EVI5: variants seen among roughly 807,000 people sequenced by gnomAD.
EVI5 encodes the protein ecotropic viral integration site 5.
EVI5 carries 73 observed loss-of-function variants against 112.0 expected under a neutral mutation model. That is an observed-to-expected ratio of 0.65 (90% CI 0.54 to 0.79). EVI5 has a LOEUF of 0.79. EVI5 is among the 30% of genes least tolerant of loss of function. The pLI is 0.00. For missense variants in EVI5, 900 were observed against 968.8 expected (o/e 0.93, Z 0.94); for synonymous variants, 305 against 319.9 (o/e 0.95, Z 0.50).
upstream of EVI5, among the ~76,000 whole-genome samples, chr1:92,785,766 CAGATTACTTTCATTATATG>C (rs1381305193): frequency 6.6e-6 from 1 of 152,164 alleles, no homozygotes; most frequent in African/African-American, 2.4e-5. Context: ...AAAGGCAATA[CAGATTACTTTCATTATATG>C]TTTAGAAGTG....
At position 92,677,150 on chromosome 1, in the gene EVI5, C is replaced by G. The variant is rs770143502; in HGVS notation, c.1158+8G>C. 2 of 1,564,642 alleles carry G rather than the reference C, an allele frequency of 1.3e-6. No homozygotes were observed. Among genetic ancestry groups the G allele is most frequent in the East Asian group, 2.3e-5 (1 of 44,218 alleles). On this transcript the variant is annotated splice_region_variant and intron_variant, in intron 10 of 19. Transcript: ENST00000684568. Reference sequence around the variant, plus strand: ...AATCAGTACTTTAAAAAGCCCCCAACTGCTTACTTTAATTTCAACTTGCTC... The same window carrying G: ...AATCAGTACTTTAAAAAGCCCCCAAGTGCTTACTTTAATTTCAACTTGCTC...
intron 1 of EVI5, among the ~76,000 whole-genome samples, chr1:92,764,073 A>T (rs1250898186): frequency 6.6e-6 from 1 of 152,226 alleles, no homozygotes; most frequent in Admixed American, 6.5e-5. Context: ...TAATTTTTTT[A>T]TATTTAATGC....
intron 1 of EVI5, among the ~76,000 whole-genome samples, chr1:92,783,505 AAAG>A (rs1412188970): frequency 2.1e-4 from 31 of 149,960 alleles, no homozygotes; most frequent in East Asian, 5.8e-4. Flanking sequence ...AAAAAAAAAA[AAAG>A]AAAAGAAAAG....
At chr1:92,586,339 G>A (rs922826473) in intron 18 of EVI5, among the ~76,000 whole-genome samples, 3 of 151,988 alleles carry the variant, frequency 2.0e-5, no homozygotes, top group African/African-American at 7.3e-5. Flanking sequence ...AAATTATTTA[G>A]AATTCTTCTG....
At chr1:92,555,186 A>T (rs746574642) in intron 19 of EVI5, among the ~76,000 whole-genome samples, 33 of 152,208 alleles carry the variant, frequency 2.2e-4, no homozygotes, top group Non-Finnish European at 3.7e-4. Flanking sequence ...AAACTTCTGC[A>T]TGGTACTTTA....
intron 18 of EVI5, among the ~76,000 whole-genome samples, chr1:92,569,757 C>T (rs1392207916): frequency 2.7e-5 from 4 of 147,624 alleles, no homozygotes; most frequent in African/African-American, 7.6e-5. Context: ...AGGAGGTTGA[C>T]GCAGGAGAAT....
At chr1:92,723,697 C>T (rs1307507650) in intron 2 of EVI5, among the ~76,000 whole-genome samples, 2 of 152,100 alleles carry the variant, frequency 1.3e-5, no homozygotes, top group African/African-American at 2.4e-5. Context: ...AGAATAACAG[C>T]GATTTTCAGG....
chr1:92,572,147 A>C (rs1670413499), intron 18 of EVI5, among the ~76,000 whole-genome samples: 1 of 152,098 alleles, frequency 6.6e-6, no homozygotes, highest in Non-Finnish European at 1.5e-5. Flanking sequence ...AAGCCAAGAG[A>C]GCTTTGTATG....
chr1:92,774,677 A>C (rs1051006271), intron 1 of EVI5, among the ~76,000 whole-genome samples: 5 of 152,196 alleles, frequency 3.3e-5, no homozygotes, highest in Non-Finnish European at 5.9e-5. Flanking sequence ...AACAACAAAA[A>C]CCCAGATAAT....
rs912858759 is a variant in EVI5, at chr1:92,555,765, A to G, written c.2166+7877T>C. Among the ~76,000 whole-genome samples, 5 of 148,798 alleles carry G rather than the reference A, an allele frequency of 3.4e-5. No homozygotes were observed. The East Asian group carries it at 1.0e-3, about 30-fold the overall frequency. On this transcript the variant is annotated intron_variant, in intron 19 of 19. Transcript: ENST00000684568. ...CTTAGGAGGCTGAGGCAGGAGAATC[A>G]CTCGAACCCAGGAGGTGGAGGTTGC... is the stretch of plus-strand genomic sequence containing the variant.
chr1:92,566,346 T>C (rs1669489014), intron 18 of EVI5, among the ~76,000 whole-genome samples: 1 of 152,176 alleles, frequency 6.6e-6, no homozygotes, highest in Non-Finnish European at 1.5e-5. Context: ...TACATGATGA[T>C]GGTCCCATAA....
intron 2 of EVI5, among the ~76,000 whole-genome samples, chr1:92,716,224 C>G (rs1187617329): frequency 6.6e-6 from 1 of 152,130 alleles, no homozygotes; most frequent in Non-Finnish European, 1.5e-5. Flanking sequence ...CCGACTGACA[C>G]CTCATACAGG....
At chr1:92,687,924 C>T (rs1463904414) in intron 9 of EVI5, among the ~76,000 whole-genome samples, 2 of 152,088 alleles carry the variant, frequency 1.3e-5, no homozygotes, top group Non-Finnish European at 2.9e-5. Flanking sequence ...GGAACGCTTA[C>T]ACTGTTGGTG....
At chr1:92,549,957 T>C (rs1666504833) in intron 19 of EVI5, among the ~76,000 whole-genome samples, 1 of 152,192 alleles carries the variant, frequency 6.6e-6, no homozygotes, top group Non-Finnish European at 1.5e-5. Context: ...CTCAAGGATC[T>C]AGAACTAGAA....
intron 1 of EVI5, among the ~76,000 whole-genome samples, chr1:92,771,619 T>C (rs947873930): frequency 5.9e-5 from 9 of 151,626 alleles, no homozygotes; most frequent in Non-Finnish European, 8.8e-5. Context: ...TTTTTTTTTT[T>C]TTTTTGAGAC....
chr1:92,791,640 C>T lies in EVI5; in HGVS notation c.51+704G>A, dbSNP rs1446154740. On this transcript the variant is annotated intron_variant, in intron 1 of 17. Transcript: ENST00000370331. ...ATCAAGCAAATAAAAATAAGAGTCCCAATCATAGATGCGACGTGAGATGTG... is the reference window on the plus strand; with the variant it reads ...ATCAAGCAAATAAAAATAAGAGTCCTAATCATAGATGCGACGTGAGATGTG... Among the ~76,000 whole-genome samples the T allele has an allele frequency of 2.0e-5, 3 of 151,914 alleles. No individual in the cohort carries two copies. The East Asian group carries it at 5.8e-4, about 29-fold the overall frequency.
intron 1 of EVI5, among the ~76,000 whole-genome samples, chr1:92,773,334 C>T (rs916867120): frequency 1.3e-5 from 2 of 152,054 alleles, no homozygotes; most frequent in Non-Finnish European, 2.9e-5. Flanking sequence ...TACAAGATCA[C>T]GGATGAATTT....
chr1:92,666,452 T>TG (rs1393916936), intron 10 of EVI5, among the ~76,000 whole-genome samples: 1 of 44,114 alleles, frequency 2.3e-5, no homozygotes, highest in Non-Finnish European at 4.4e-5. Context: ...GAGGCTGAGG[T>TG]GGGAGGCTGG....
chr1:92,665,402 T>C (rs1664729151), intron 11 of EVI5, among the ~76,000 whole-genome samples: 1 of 152,292 alleles, frequency 6.6e-6, no homozygotes, highest in East Asian at 1.9e-4. Flanking sequence ...TTGCCCACTC[T>C]ATATAAAACA....
Sources: gnomAD v4.1 joint callset for allele counts (sites outside exome capture counted in the v4.1 genomes callset) on GRCh38, gnomAD v4.1.1 for gene constraint, MANE v1.5 for transcripts, NCBI Gene and HGNC (gene_info 2026-07-23, HGNC 2026-07-21) for gene names.